PADI3: variants seen among roughly 807,000 people sequenced by gnomAD.
The protein encoded by PADI3 is peptidyl arginine deiminase 3, also known as protein-arginine deiminase type-3.
Under a neutral mutation model 71.5 loss-of-function variants are expected in PADI3, and 53 were observed. That is an observed-to-expected ratio of 0.74 (90% CI 0.59 to 0.93). The LOEUF (loss-of-function observed/expected upper bound fraction) is 0.93, where lower values mean the gene tolerates loss of function less well. PADI3 is among the 40% of genes least tolerant of loss of function. The probability of loss-of-function intolerance (pLI) is 0.00; values close to 1 mark genes in which losing one functional copy is unlikely to be tolerated. For missense variants in PADI3, 821 were observed against 868.0 expected (o/e 0.95, Z 0.68); for synonymous variants, 361 against 347.5 (o/e 1.04, Z -0.43).
At chr1:17,270,496 A>AG in intron 7 of PADI3, 85 bp downstream of exon 7, 1 of 1,313,780 alleles carries the variant, frequency 7.6e-7, no homozygotes, top group Non-Finnish European at 1.0e-6. Flanking sequence ...AAAAAAAAAA[A>AG]AAATAGCGAG....
In PADI3 at chr1:17,270,950, C is replaced by T. The variant is rs775422448; in HGVS notation, c.903C>T (p.Ser301=). Residue 301 remains serine, a synonymous_variant, in exon 8 of 16, where the codon AGC becomes AGT. Transcript: ENST00000375460. ...FRVAPWIMTP[S]TLPPLEVYVC... ...TGGCACCCTGGATCATGACGCCCAG[C>T]ACTCTGCCACCCCTAGAGGTGTATG... 23 of 1,614,002 alleles carry T rather than the reference C, an allele frequency of 1.4e-5. No individual in the cohort carries two copies. In the South Asian group the frequency reaches 2.2e-4, roughly 15 times the overall value.
intron 1 of PADI3, among the ~76,000 whole-genome samples, chr1:17,258,218 A>G (rs1303245849): frequency 6.6e-6 from 1 of 152,206 alleles, no homozygotes; most frequent in Non-Finnish European, 1.5e-5. Context: ...CGCTGCCTCC[A>G]GGAGGCCCTC....
chr1:17,266,642 C>A, intron 4 of PADI3, 77 bp from the exon 5 acceptor site: 1 of 1,239,656 alleles, frequency 8.1e-7, no homozygotes, highest in South Asian at 1.2e-5. Context: ...TGGTTACAGG[C>A]CAGGCTCGGG....
At chr1:17,255,749 C>T (rs2073019623) in intron 1 of PADI3, among the ~76,000 whole-genome samples, 1 of 152,182 alleles carries the variant, frequency 6.6e-6, no homozygotes, top group Admixed American at 6.5e-5. Context: ...GAAATGAGGG[C>T]ATGACTTTTG....
intron 2 of PADI3, among the ~76,000 whole-genome samples, chr1:17,261,598 C>T (rs1249422653): frequency 6.6e-6 from 1 of 152,204 alleles, no homozygotes; most frequent in Non-Finnish European, 1.5e-5. Flanking sequence ...CCTATGGGCT[C>T]AGTCTTTTAC....
intron 1 of PADI3, among the ~76,000 whole-genome samples, chr1:17,259,226 C>G (rs573183577): frequency 6.6e-6 from 1 of 152,198 alleles, no homozygotes; most frequent in African/African-American, 2.4e-5. Flanking sequence ...TATGCTACCA[C>G]GCCTGGCTAT....
chr1:17,274,911 A>G, intron 11 of PADI3, 125 bp downstream of exon 11: 2 of 1,031,968 alleles, frequency 1.9e-6, no homozygotes, highest in Admixed American at 2.7e-5. Flanking sequence ...ATGAAATTAT[A>G]CTCCCGGATG....
At chr1:17,278,535 A>C (rs946030224) in intron 13 of PADI3, among the ~76,000 whole-genome samples, 16 of 151,986 alleles carry the variant, frequency 1.1e-4, no homozygotes, top group African/African-American at 3.9e-4. Context: ...GCCAGGGCCC[A>C]CTTTTTTTTG....
intron 1 of PADI3, among the ~76,000 whole-genome samples, chr1:17,250,683 G>T (rs2072955424): frequency 6.6e-6 from 1 of 152,144 alleles, no homozygotes; most frequent in African/African-American, 2.4e-5. Flanking sequence ...GTGCCAAGGA[G>T]GTAATGAGGA....
chr1:17,269,148 G>T (rs1374299326), intron 6 of PADI3, among the ~76,000 whole-genome samples: 1 of 152,022 alleles, frequency 6.6e-6, no homozygotes, highest in Non-Finnish European at 1.5e-5. Flanking sequence ...GCCTCTCAAA[G>T]TACTAGGATT....
In PADI3 at chr1:17,283,129, G is replaced by A. The variant is rs375914560; in HGVS notation, c.*50G>A. On this transcript the variant is annotated 3_prime_UTR_variant, in exon 16 of 16. Transcript: ENST00000375460. Reference sequence around the variant, plus strand: ...CCCCCTGGGGCGGGCATTGGCCCAGGTGGTGGAGACAGAGACAGGCCCCTG... The same window carrying A: ...CCCCCTGGGGCGGGCATTGGCCCAGATGGTGGAGACAGAGACAGGCCCCTG... 11 of 1,455,864 alleles carry A rather than the reference G, an allele frequency of 7.6e-6. No homozygotes were observed. Among genetic ancestry groups the A allele is most frequent in the African/African-American group, 2.8e-5 (2 of 71,892 alleles). 90.2% of individuals were successfully genotyped at this position (1,455,864 alleles called of 1,614,324 possible).
At chr1:17,277,611 A>G (rs2073351808) in intron 13 of PADI3, among the ~76,000 whole-genome samples, 1 of 152,218 alleles carries the variant, frequency 6.6e-6, no homozygotes, top group Non-Finnish European at 1.5e-5. Context: ...TCCCTGGCAC[A>G]GATTCTCTGC....
chr1:17,262,249 G>GA, intron 3 of PADI3, 44 bp downstream of exon 3: 1 of 1,454,452 alleles, frequency 6.9e-7, no homozygotes. Flanking sequence ...GGGCACATTT[G>GA]AAAAATTCAA....
At chr1:17,271,261 C>T in intron 9 of PADI3, 83 bp downstream of exon 9, 1 of 1,176,378 alleles carries the variant, frequency 8.5e-7, no homozygotes, top group Non-Finnish European at 1.2e-6. Context: ...CGAGAAACAT[C>T]CAGGAGGACC....
chr1:17,263,015 A>T (rs2073122393), intron 3 of PADI3, among the ~76,000 whole-genome samples: 2 of 152,174 alleles, frequency 1.3e-5, no homozygotes, highest in Admixed American at 6.5e-5. Context: ...CCTGGGTTCA[A>T]ACGATTCTCC....
Position 17,284,136 on chromosome 1 carries a change from G to C in PADI3, c.*1057G>C, listed in dbSNP as rs558889036. The C allele has an allele frequency of 7.2e-5, 11 of 151,980 alleles. No homozygotes were observed. Among genetic ancestry groups the C allele is most frequent in the African/African-American group, 2.2e-4 (9 of 41,384 alleles). 9.4% of individuals were successfully genotyped at this position (151,980 alleles called of 1,614,324 possible). A position where few individuals can be genotyped will look rare whatever the true frequency, so the allele number is the denominator to read the frequency against. On this transcript the variant is annotated 3_prime_UTR_variant, in exon 16 of 16. Coordinates refer to ENST00000375460, the MANE Select transcript of PADI3 (RefSeq NM_016233.2). ...ACCACTGAATTCAGGGGATGGGGGT[G>C]GGGGGGCGGTTCTCGAGGTGTGTGC...
At chr1:17,251,044 G>A (rs952365314) in intron 1 of PADI3, among the ~76,000 whole-genome samples, 12 of 152,240 alleles carry the variant, frequency 7.9e-5, no homozygotes, top group African/African-American at 2.9e-4. Context: ...AAACCCCCCA[G>A]GGGTGGGAGT....
rs114563860 is a variant in PADI3, at chr1:17,282,166, G to T, written c.1762-680G>T. Among the ~76,000 whole-genome samples, 1,000 of 152,284 alleles carry T rather than the reference G, an allele frequency of 6.6e-3. 16 individuals are homozygous for T. Among genetic ancestry groups the T allele is most frequent in the African/African-American group, 0.023 (968 of 41,546 alleles). On this transcript the variant is annotated intron_variant, in intron 15 of 15. Coordinates refer to ENST00000375460, the MANE Select transcript of PADI3 (RefSeq NM_016233.2). ...ATGTGCCCCAAGAAGTTTGTGCAAT[G>T]ATTCAGGTTCTTGTGTTCGCAAGAG...
intron 1 of PADI3, among the ~76,000 whole-genome samples, chr1:17,256,957 G>A (rs1183922815): frequency 2.7e-5 from 4 of 149,822 alleles, no homozygotes; most frequent in Non-Finnish European, 3.0e-5. Flanking sequence ...GCTTGAACCC[G>A]GGAGGTGGAG....
Sources: gnomAD v4.1 joint callset for allele counts (sites outside exome capture counted in the v4.1 genomes callset) on GRCh38, gnomAD v4.1.1 for gene constraint, MANE v1.5 for transcripts, NCBI Gene and HGNC (gene_info 2026-07-23, HGNC 2026-07-21) for gene names.